The following ATP2C1 variants were observed in gnomAD, a reference collection of about 807,000 sequenced individuals.
ATP2C1 encodes the protein ATPase secretory pathway Ca2+ transporting 1.
In ATP2C1, 31 loss-of-function variants were observed where a neutral mutation model predicts 120.5. The ratio of observed to expected loss-of-function variants is 0.26; its 90% CI spans 0.19 to 0.35. The LOEUF is 0.35. ATP2C1 is among the 10% of genes least tolerant of loss of function. ATP2C1 has a pLI of 1.00. For synonymous variants in ATP2C1, 351 were observed against 358.7 expected (o/e 0.98, Z 0.24); for missense variants, 731 against 1,107.5 (o/e 0.66, Z 4.83).
chr3:130,920,482 A>T (rs920551417), intron 2 of ATP2C1, among the ~76,000 whole-genome samples: 1 of 152,058 alleles, frequency 6.6e-6, no homozygotes, highest in Non-Finnish European at 1.5e-5. Flanking sequence ...AGTTGACCAT[A>T]TGTGTGTGGA....
At chr3:130,906,855 T>G (rs893963276) in intron 2 of ATP2C1, among the ~76,000 whole-genome samples, 7 of 152,070 alleles carry the variant, frequency 4.6e-5, no homozygotes, top group African/African-American at 1.7e-4. Flanking sequence ...TTCTGCACTC[T>G]GACTTCTAAT....
intron 1 of ATP2C1, among the ~76,000 whole-genome samples, chr3:130,857,930 A>G (rs1244641153): frequency 6.6e-6 from 1 of 152,144 alleles, no homozygotes; most frequent in Non-Finnish European, 1.5e-5. Context: ...AGGGAAGCTG[A>G]CTGTGCAGCC....
chr3:131,013,939 G>C, intron 26 of ATP2C1: 1 of 634,930 alleles, frequency 1.6e-6, no homozygotes, highest in Non-Finnish European at 2.6e-6. Context: ...AGATTATTGT[G>C]ATGTTTATCC....
intron 2 of ATP2C1, among the ~76,000 whole-genome samples, chr3:130,906,450 G>A (rs529038972): frequency 3.9e-5 from 6 of 151,970 alleles, no homozygotes; most frequent in Admixed American, 2.0e-4. Context: ...TCTACTTTTT[G>A]TCAAAAAATA....
chr3:131,002,250 T>A lies in ATP2C1; in HGVS notation c.*900T>A, dbSNP rs1435798347. 3.1e-6 allele frequency: 3 copies of A among 967,492 alleles called. No individual in the cohort carries two copies. In the African/African-American group the frequency reaches 5.3e-5, roughly 17 times the overall value. The allele number at this position is 967,492 out of a possible 1,614,324, so 59.9% of individuals were successfully genotyped here. A position where few individuals can be genotyped will look rare whatever the true frequency, so the allele number is the denominator to read the frequency against. ...TCCTCTAAATATAAATCCAAATACCTCAGCTAAGTAATTCTATTTTATTAT... is the reference window on the plus strand; with the variant it reads ...TCCTCTAAATATAAATCCAAATACCACAGCTAAGTAATTCTATTTTATTAT... On this transcript the variant is annotated 3_prime_UTR_variant, in exon 28 of 28. Transcript: ENST00000510168.
chr3:130,937,280 T>G lies in ATP2C1; in HGVS notation c.325-148T>G, dbSNP rs752101505. ...CTGTTAGCTTCTTTCCCCACAGGCC[T>G]TAAGGTAAAGTTGTGATTTCTTTTC... is the stretch of plus-strand genomic sequence containing the variant. On this transcript the variant is annotated intron_variant, in intron 5 of 27. Coordinates refer to ENST00000510168, the MANE Select transcript of ATP2C1 (RefSeq NM_001378687.1). The G allele has an allele frequency of 4.8e-4, 345 of 715,670 alleles. 2 individuals are homozygous for G. The highest frequency in any genetic ancestry group is 5.1e-4 in the African/African-American group (29 of 56,360). The allele number at this position is 715,670 out of a possible 1,614,324, so 44.3% of individuals were successfully genotyped here.
At chr3:130,994,412 T>C (rs1275279872) in intron 22 of ATP2C1, among the ~76,000 whole-genome samples, 1 of 152,208 alleles carries the variant, frequency 6.6e-6, no homozygotes, top group African/African-American at 2.4e-5. Context: ...GTTAGAAATA[T>C]GCATATGTAT....
At chr3:130,935,166 T>C (rs1422473938) in intron 5 of ATP2C1, among the ~76,000 whole-genome samples, 1 of 152,206 alleles carries the variant, frequency 6.6e-6, no homozygotes, top group East Asian at 1.9e-4. Flanking sequence ...TACAGTAATT[T>C]TGAGTAATGT....
In ATP2C1 at chr3:130,996,104, C is replaced by T. The variant is rs1485863020; in HGVS notation, c.2119C>T (p.Leu707=). ...CATTAAAAATTTCGTTAGATTCCAG[C>T]TGAGCACGTAAGTTTGCAAGAAATT... is the stretch of plus-strand genomic sequence containing the variant. ...NNIKNFVRFQ[L]STSIAALTLI... is the part of the protein sequence containing the mutation. The change falls in exon 23 of 28, where the codon CTG becomes TTG. Residue 707 remains leucine (L), a synonymous_variant. Transcript: ENST00000510168. The T allele has an allele frequency of 1.2e-6, 2 of 1,609,934 alleles. No individual in the cohort carries two copies. The highest frequency in any genetic ancestry group is 4.5e-5 in the East Asian group (2 of 44,828).
At chr3:130,931,264 G>A (rs1939188949) in intron 3 of ATP2C1, among the ~76,000 whole-genome samples, 1 of 152,074 alleles carries the variant, frequency 6.6e-6, no homozygotes, top group African/African-American at 2.4e-5. Flanking sequence ...TATTTTGGGG[G>A]TACAGATAAT....
At chr3:130,874,138 AAAGAT>A (rs2068524784) in intron 1 of ATP2C1, among the ~76,000 whole-genome samples, 1 of 152,014 alleles carries the variant, frequency 6.6e-6, no homozygotes, top group East Asian at 1.9e-4. Context: ...AAGAAAAAGA[AAAGAT>A]AAGAAAAAAA....
intron 20 of ATP2C1, among the ~76,000 whole-genome samples, chr3:130,991,821 C>A (rs908290014): frequency 1.4e-4 from 22 of 152,238 alleles, no homozygotes; most frequent in African/African-American, 5.3e-4. Flanking sequence ...GATACAGATA[C>A]TGAGTTGGGG....
Position 130,980,973 on chromosome 3 carries a change from A to T in ATP2C1, c.1839+294A>T, listed in dbSNP as rs148138494. Among the ~76,000 whole-genome samples the T allele has an allele frequency of 6.6e-5, 10 of 152,348 alleles. No homozygotes were observed. The East Asian group carries it at 1.9e-3, about 29-fold the overall frequency. On this transcript the variant is annotated intron_variant, in intron 20 of 27. Coordinates refer to ENST00000510168, the MANE Select transcript of ATP2C1 (RefSeq NM_001378687.1). ...AGTGCTTGTATTTATGAATTAGAGG[A>T]TGGAGAGAGATCATTGATTTATACT...
rs1160330876 is a variant in ATP2C1 at position 131,002,624 on chromosome 3, A to G, written c.*1274A>G. The G allele has an allele frequency of 3.0e-6, 3 of 985,400 alleles. No homozygotes were observed. The highest frequency in any genetic ancestry group is 3.6e-6 in the Non-Finnish European group (3 of 829,892). The allele number at this position is 985,400 out of a possible 1,614,324, so 61.0% of individuals were successfully genotyped here. ...ATGTGGGCCAGAAATTTAAAATTAG[A>G]AATTTGTTTTTCTGTTGAGTATATA... is the stretch of plus-strand genomic sequence containing the variant. On this transcript the variant is annotated 3_prime_UTR_variant, in exon 28 of 28. Coordinates refer to ENST00000510168, the MANE Select transcript of ATP2C1 (RefSeq NM_001378687.1).
chr3:130,919,598 G>A (rs1366129922), intron 2 of ATP2C1, among the ~76,000 whole-genome samples: 1 of 152,090 alleles, frequency 6.6e-6, no homozygotes, highest in Non-Finnish European at 1.5e-5. Flanking sequence ...TCTGTTGGTG[G>A]ACATTAGGTT....
intron 8 of ATP2C1, among the ~76,000 whole-genome samples, chr3:130,950,422 A>G (rs2060322152): frequency 6.6e-6 from 1 of 152,110 alleles, no homozygotes; most frequent in African/African-American, 2.4e-5. Context: ...TCTCTCATGA[A>G]TGCAATGAAT....
At chr3:130,937,614 C>T (rs2059728859) in intron 6 of ATP2C1, 151 bp downstream of exon 6, 1 of 716,552 alleles carries the variant, frequency 1.4e-6, no homozygotes, top group African/African-American at 1.8e-5. Flanking sequence ...ATACAGACAA[C>T]TCTTCAGGGA....
chr3:130,883,915 TTTTC>T (rs200518672), intron 1 of ATP2C1, among the ~76,000 whole-genome samples: 3,961 of 150,350 alleles, frequency 0.026, 86 homozygotes, highest in African/African-American at 0.058. Flanking sequence ...TCTTAATTTC[TTTTC>T]TTTCTTTCTT....
chr3:130,913,301 G>A (rs1223839308), intron 2 of ATP2C1, among the ~76,000 whole-genome samples: 1 of 151,998 alleles, frequency 6.6e-6, no homozygotes, highest in Non-Finnish European at 1.5e-5. Flanking sequence ...TATGAGGCAA[G>A]GTGGGTATCC....
Sources: allele counts gnomAD v4.1 joint callset (sites outside exome capture counted in the v4.1 genomes callset), GRCh38; gene constraint gnomAD v4.1.1; transcripts MANE v1.5; gene names NCBI Gene and HGNC (gene_info 2026-07-23, HGNC 2026-07-21).